Variants in PER3 observed in about 807,000 individuals in gnomAD.
PER3 encodes period circadian protein homolog 3.
A neutral mutation model predicts 127.2 loss-of-function variants in PER3; 107 were observed. The ratio of observed to expected loss-of-function variants is 0.84; its 90% CI spans 0.72 to 0.99. The LOEUF (loss-of-function observed/expected upper bound fraction) is 0.99, where lower values mean the gene tolerates loss of function less well. PER3 is among the 50% of genes least tolerant of loss of function. The pLI is 0.00. For synonymous variants in PER3, 618 were observed against 585.8 expected (o/e 1.05, Z -0.79); for missense variants, 1,560 against 1,525.8 (o/e 1.02, Z -0.37).
At chr1:7,806,556 G>A (rs1046836639) in intron 10 of PER3, among the ~76,000 whole-genome samples, 2 of 151,922 alleles carry the variant, frequency 1.3e-5, no homozygotes, top group Non-Finnish European at 2.9e-5. Flanking sequence ...GGGAGGCTGA[G>A]GCAGGAGGAT....
intron 16 of PER3, among the ~76,000 whole-genome samples, chr1:7,822,473 G>A (rs554579348): frequency 3.3e-5 from 5 of 151,982 alleles, no homozygotes; most frequent in East Asian, 1.9e-4. Flanking sequence ...GGCTGGTCTC[G>A]AACTCCGGAC....
chr1:7,818,088 G>T (rs1157041737), intron 13 of PER3, among the ~76,000 whole-genome samples: 2 of 152,098 alleles, frequency 1.3e-5, no homozygotes, highest in East Asian at 1.9e-4. Context: ...CAAATCGAAG[G>T]CCATCCCACT....
At chr1:7,803,209 ATT>A in intron 9 of PER3, 56 bp downstream of exon 9, 1 of 1,101,426 alleles carries the variant, frequency 9.1e-7, no homozygotes, top group Non-Finnish European at 1.4e-6. Context: ...ATTTGTTCTA[ATT>A]TTTCTTTTCA....
At chr1:7,806,350 G>A (rs61773378) in intron 10 of PER3, among the ~76,000 whole-genome samples, 21,445 of 152,110 alleles carry the variant, frequency 0.14, 1,691 homozygotes, top group Admixed American at 0.18. Flanking sequence ...AGTGAAAGTG[G>A]AGACTGCAGC....
chr1:7,831,958 A>G (rs922665736), intron 19 of PER3, among the ~76,000 whole-genome samples: 9 of 152,052 alleles, frequency 5.9e-5, no homozygotes, highest in African/African-American at 2.2e-4. Context: ...TGTTGAACTG[A>G]TATTATTTTT....
chr1:7,827,517 C>A lies in PER3; in HGVS notation c.2588C>A (p.Pro863His). The A allele has an allele frequency of 6.2e-7, 1 of 1,614,230 alleles. No individual in the cohort carries two copies. The highest frequency in any genetic ancestry group is 8.5e-7 in the Non-Finnish European group (1 of 1,180,040). The stretch of plus-strand genomic sequence containing the variant: ...TTTATGACCGTTTTCCTGCCTGACC[C>A]CCCTGTCTGTCCTCTGTTGTCGCCA... ...DTFMTVFLPD[P>H]PVCPLLSPSF... The change falls in exon 18 of 22, where the codon CCC (proline) becomes CAC (histidine). Residue 863 changes from proline (P) to histidine (H), a missense_variant. Physicochemically the swap from Pro to His is moderately conservative, Grantham distance 77. This residue lies in a region of PER3 where 1,332 missense variants were observed against 1,223.6 expected (regional missense o/e 1.09). Transcript: ENST00000377532.
At chr1:7,818,043 C>G (rs2097259457) in intron 13 of PER3, among the ~76,000 whole-genome samples, 2 of 152,280 alleles carry the variant, frequency 1.3e-5, no homozygotes, top group Admixed American at 1.3e-4. Flanking sequence ...AAATGCATAA[C>G]CTCAATCTAA....
At chr1:7,805,518 G>A (rs1258082539) in intron 10 of PER3, among the ~76,000 whole-genome samples, 1 of 152,236 alleles carries the variant, frequency 6.6e-6, no homozygotes, top group Non-Finnish European at 1.5e-5. Flanking sequence ...GCTCCTGGCC[G>A]CCCTAACTCA....
At chr1:7,835,008 C>T (rs911987437) in intron 19 of PER3, among the ~76,000 whole-genome samples, 2 of 152,056 alleles carry the variant, frequency 1.3e-5, no homozygotes, top group Non-Finnish European at 2.9e-5. Context: ...GGAGGGGGTA[C>T]ATATATCATT....
rs141260595 is a variant in PER3, at chr1:7,843,877, C to G, written c.*1122C>G. ...TGTGATTGTTTACTTGATAAATCAGCTCACTCTCTGGTGCTTTTTAGAGAA... is the reference window on the plus strand; with the variant it reads ...TGTGATTGTTTACTTGATAAATCAGGTCACTCTCTGGTGCTTTTTAGAGAA... On this transcript the variant is annotated 3_prime_UTR_variant, in exon 22 of 22. Transcript: ENST00000377532. The G allele has an allele frequency of 1.6e-4, 192 of 1,235,226 alleles. 2 individuals carry two copies. The East Asian group carries it at 0.01, about 66-fold the overall frequency. 76.5% of individuals were successfully genotyped at this position (1,235,226 alleles called of 1,614,324 possible). A position where few individuals can be genotyped will look rare whatever the true frequency, so the allele number is the denominator to read the frequency against.
chr1:7,841,288 A>ATTT (rs148419490), intron 21 of PER3, among the ~76,000 whole-genome samples: 18 of 146,888 alleles, frequency 1.2e-4, no homozygotes, highest in East Asian at 6.0e-4. Flanking sequence ...TGCCTTAATG[A>ATTT]TTTTTTTTTT....
intron 13 of PER3, among the ~76,000 whole-genome samples, chr1:7,816,610 T>A (rs2097252685): frequency 6.6e-6 from 1 of 152,032 alleles, no homozygotes; most frequent in Admixed American, 6.6e-5. Context: ...ACAAAAAAAA[T>A]GTAAACCATA....
At chr1:7,841,505 G>A (rs2097388670) in intron 21 of PER3, among the ~76,000 whole-genome samples, 1 of 152,080 alleles carries the variant, frequency 6.6e-6, no homozygotes. Flanking sequence ...TTGCTGCTGT[G>A]CTTCAAGCTG....
intron 14 of PER3, 106 bp downstream of exon 14, chr1:7,819,526 C>T: frequency 1.0e-6 from 1 of 981,178 alleles, no homozygotes; most frequent in East Asian, 2.4e-5. Context: ...CTTGGTTTTT[C>T]ACTATAAATC....
At position 7,809,971 on chromosome 1, in the gene PER3, T is replaced by G; in HGVS notation, c.1321T>G (p.Ser441Ala). Reference sequence around the variant, plus strand: ...GCAGGAGCAGCTTGTCAGCATCGCCTCCTCCAGTGAGGCCAGTGGGCACCG... The same window carrying G: ...GCAGGAGCAGCTTGTCAGCATCGCCGCCTCCAGTGAGGCCAGTGGGCACCG... Reference protein sequence around the residue: ...GSQEQLVSIASSSEASGHRVE... With the variant: ...GSQEQLVSIAASSEASGHRVE... The change falls in exon 12 of 22, where the codon TCC (serine) becomes GCC (alanine). Residue 441 changes from serine (S) to alanine (A), a missense_variant. Ser to Ala is a moderately conservative substitution (Grantham distance 99). This residue lies in a region of PER3 where 1,332 missense variants were observed against 1,223.6 expected (regional missense o/e 1.09). Coordinates refer to ENST00000377532, the MANE Select transcript of PER3 (RefSeq NM_001377275.1). 1 of 1,614,064 alleles carries G rather than the reference T, an allele frequency of 6.2e-7. No homozygotes were observed. Among genetic ancestry groups the G allele is most frequent in the Non-Finnish European group, 8.5e-7 (1 of 1,179,930 alleles).
intron 10 of PER3, among the ~76,000 whole-genome samples, chr1:7,808,261 T>TAAAAAAA (rs2097204644): frequency 9.6e-6 from 1 of 104,204 alleles, no homozygotes; most frequent in Non-Finnish European, 2.1e-5. Context: ...AAAAAAAAAC[T>TAAAAAAA]AGTATAGTAC....
At chr1:7,835,690 G>A in intron 19 of PER3, 72 bp from the exon 20 acceptor site, 1 of 1,101,258 alleles carries the variant, frequency 9.1e-7, no homozygotes, top group South Asian at 1.4e-5. Context: ...GCAAGAGTCT[G>A]AAGAATGAGA....
intron 19 of PER3, among the ~76,000 whole-genome samples, chr1:7,832,813 T>C (rs1010368206): frequency 6.6e-6 from 1 of 151,892 alleles, no homozygotes; most frequent in African/African-American, 2.4e-5. Flanking sequence ...TGCTATTGAA[T>C]GCTCTAACCA....
intron 11 of PER3, 121 bp from the exon 12 acceptor site, chr1:7,809,772 C>A: frequency 1.1e-6 from 1 of 942,638 alleles, no homozygotes; most frequent in Non-Finnish European, 1.6e-6. Context: ...CCAACCTGCA[C>A]ACACCTAATT....
Sources: allele counts gnomAD v4.1 joint callset (sites outside exome capture counted in the v4.1 genomes callset), GRCh38; gene constraint gnomAD v4.1.1; regional missense constraint gnomAD v4.1.1; transcripts MANE v1.5; gene names NCBI Gene and HGNC (gene_info 2026-07-23, HGNC 2026-07-21).